WDFY4: variants seen among roughly 807,000 people sequenced by gnomAD.
The protein encoded by WDFY4 is WD repeat- and FYVE domain-containing protein 4.
A neutral mutation model predicts 351.9 loss-of-function variants in WDFY4; 169 were observed. That is an observed-to-expected ratio of 0.48 (90% CI 0.42 to 0.55). The LOEUF (loss-of-function observed/expected upper bound fraction) is 0.55, where lower values mean the gene tolerates loss of function less well. Among genes scored for constraint, WDFY4 ranks in the 20% least tolerant of loss-of-function variants. The pLI is 0.00. For synonymous variants in WDFY4, 1,622 were observed against 1,574.6 expected, an observed-to-expected ratio of 1.03 and a Z score of -0.71; for missense variants, 3,803 against 3,935.6, an observed-to-expected ratio of 0.97 and a Z score of 0.90.
At chr10:48,842,959 A>G (rs1321792602) in intron 39 of WDFY4, among the ~76,000 whole-genome samples, 3 of 152,184 alleles carry the variant, frequency 2.0e-5, no homozygotes, top group Non-Finnish European at 4.4e-5. Flanking sequence ...AAATGGGGTT[A>G]AAGTTGGTTT....
At chr10:48,821,248 T>C (rs983553745) in intron 34 of WDFY4, 72 bp downstream of exon 34, 23 of 1,238,366 alleles carry the variant, frequency 1.9e-5, no homozygotes, top group Non-Finnish European at 2.7e-5. Flanking sequence ...ACCAGCATGC[T>C]GGCCAGGAAC....
Position 48,925,525 on chromosome 10 carries a change from A to G in WDFY4, c.7587-16281A>G, listed in dbSNP as rs536776081. 2.6e-5 allele frequency among the ~76,000 whole-genome samples: 4 copies of G among 152,348 alleles called. No homozygotes were observed. The East Asian group carries it at 7.7e-4, about 29-fold the overall frequency. On this transcript the variant is annotated intron_variant, in intron 47 of 61. Transcript: ENST00000325239. ...TCTGCAGTGTTACCTAGATTTAGGA[A>G]TATAGATTCCTTGGGGGTATAAACA...
chr10:48,873,564 G>A lies in WDFY4; in HGVS notation c.6815G>A (p.Gly2272Asp), dbSNP rs1322677537. 5 of 1,551,644 alleles carry A rather than the reference G, an allele frequency of 3.2e-6. No homozygotes were observed. The South Asian group carries it at 4.8e-5, about 15-fold the overall frequency. ...CAGGAGCAGCTTTTTGGGGAGCTGG[G>A]CTTGTGGAGCCAGGGGGAAGAAACC... ...RIQEQLFGEL[G>D]LWSQGEETKP... Residue 2272 changes from glycine (G) to aspartate (D), a missense_variant, in exon 41 of 62, where the codon GGC (glycine) becomes GAC (aspartate). Physicochemically the swap from Gly to Asp is moderately conservative, Grantham distance 94. Transcript: ENST00000325239.
chr10:48,827,014 T>G, intron 36 of WDFY4, 105 bp downstream of exon 36: 1 of 933,860 alleles, frequency 1.1e-6, no homozygotes, highest in Non-Finnish European at 1.6e-6. Flanking sequence ...AATGATATCA[T>G]CCTTTTGTTT....
intron 47 of WDFY4, among the ~76,000 whole-genome samples, chr10:48,930,993 C>T (rs1401847092): frequency 6.6e-6 from 1 of 152,020 alleles, no homozygotes; most frequent in Admixed American, 6.6e-5. Flanking sequence ...TACTTTCCTT[C>T]TTATATGTCT....
intron 32 of WDFY4, among the ~76,000 whole-genome samples, chr10:48,818,949 G>T (rs1029050082): frequency 2.0e-5 from 3 of 152,172 alleles, no homozygotes; most frequent in Admixed American, 6.5e-5. Context: ...ACACTTCCCT[G>T]GGCAGGTTTT....
Position 48,723,413 on chromosome 10 carries a change from C to T in WDFY4, c.457-20C>T, listed in dbSNP as rs542594663. On this transcript the variant is annotated intron_variant, in intron 4 of 61. Coordinates refer to ENST00000325239, the MANE Select transcript of WDFY4 (RefSeq NM_001394531.1). ...TCTGCTGCCTTGCTGCCTGGGGTCA[C>T]GTGTGCTCTTCTCTTGCAGGAGACG... The T allele has an allele frequency of 4.5e-5, 70 of 1,548,294 alleles. No individual in the cohort carries two copies. The highest frequency in any genetic ancestry group is 7.9e-5 in the Admixed American group (4 of 50,920).
At chr10:48,935,687 G>A (rs1212561052) in intron 47 of WDFY4, among the ~76,000 whole-genome samples, 1 of 152,086 alleles carries the variant, frequency 6.6e-6, no homozygotes, top group Non-Finnish European at 1.5e-5. Flanking sequence ...TTTTTCCACT[G>A]TTAAATCAGA....
intron 27 of WDFY4, 69 bp downstream of exon 27, chr10:48,806,164 G>A: frequency 6.8e-7 from 1 of 1,471,540 alleles, no homozygotes; most frequent in East Asian, 2.5e-5. Context: ...GGCCCACATT[G>A]TGCAGAGGGA....
At chr10:48,837,422 G>T (rs1429158760) in intron 39 of WDFY4, among the ~76,000 whole-genome samples, 1 of 152,186 alleles carries the variant, frequency 6.6e-6, no homozygotes, top group African/African-American at 2.4e-5. Flanking sequence ...CATGGCATCT[G>T]CTCCTATAGG....
chr10:48,705,757 T>A (rs1351104303), intron 1 of WDFY4, among the ~76,000 whole-genome samples: 1 of 152,222 alleles, frequency 6.6e-6, no homozygotes, highest in Non-Finnish European at 1.5e-5. Context: ...ACGTGGCTTC[T>A]GCACTTCAGA....
At chr10:48,750,243 A>G (rs2065139489) in intron 12 of WDFY4, among the ~76,000 whole-genome samples, 1 of 152,212 alleles carries the variant, frequency 6.6e-6, no homozygotes, top group Non-Finnish European at 1.5e-5. Context: ...GTTCACATGA[A>G]GGCCACACTG....
At chr10:48,888,046 G>A (rs914049235) in intron 43 of WDFY4, among the ~76,000 whole-genome samples, 1 of 152,210 alleles carries the variant, frequency 6.6e-6, no homozygotes, top group South Asian at 2.1e-4. Context: ...ATGCAGAGCA[G>A]TAAGCATATA....
At chr10:48,982,277 C>T (rs1284096356) in intron 61 of WDFY4, among the ~76,000 whole-genome samples, 1 of 152,182 alleles carries the variant, frequency 6.6e-6, no homozygotes, top group African/African-American at 2.4e-5. Flanking sequence ...GGGGCCTGAG[C>T]TTCCCCACAG....
intron 20 of WDFY4, 141 bp downstream of exon 20, chr10:48,787,011 A>G (rs1487206837): frequency 8.5e-6 from 6 of 702,542 alleles, no homozygotes; most frequent in East Asian, 5.4e-5. Flanking sequence ...GTATCATTAT[A>G]TATTTACAAC....
intron 22 of WDFY4, 34 bp from the exon 23 acceptor site, chr10:48,790,693 C>A: frequency 6.5e-7 from 1 of 1,543,670 alleles, no homozygotes; most frequent in Non-Finnish European, 8.8e-7. Context: ...GAAGCTGTGA[C>A]ATGTTGATGA....
chr10:48,928,594 G>A (rs1839785131), intron 47 of WDFY4, among the ~76,000 whole-genome samples: 1 of 152,188 alleles, frequency 6.6e-6, no homozygotes, highest in Non-Finnish European at 1.5e-5. Flanking sequence ...AGGACACATT[G>A]CTCCTTTGAG....
intron 39 of WDFY4, among the ~76,000 whole-genome samples, chr10:48,846,298 T>A (rs1461083414): frequency 6.6e-6 from 1 of 152,222 alleles, no homozygotes; most frequent in Non-Finnish European, 1.5e-5. Context: ...TGGGAAAATG[T>A]GGTCCTCTCT....
At chr10:48,877,618 C>T (rs969827715) in intron 43 of WDFY4, among the ~76,000 whole-genome samples, 2 of 152,226 alleles carry the variant, frequency 1.3e-5, no homozygotes, top group African/African-American at 4.8e-5. Context: ...TGTTTGGACA[C>T]CCCAACCCAT....
Sources: allele counts gnomAD v4.1 joint callset (sites outside exome capture counted in the v4.1 genomes callset), GRCh38; gene constraint gnomAD v4.1.1; transcripts MANE v1.5; gene names NCBI Gene and HGNC (gene_info 2026-07-23, HGNC 2026-07-21).